VPS13C: variants seen among roughly 807,000 people sequenced by gnomAD.
VPS13C encodes vacuolar protein sorting 13 homolog C, also known as intermembrane lipid transfer protein VPS13C.
Under a neutral mutation model 456.8 loss-of-function variants are expected in VPS13C, and 358 were observed. That is an observed-to-expected ratio of 0.78 (90% CI 0.72 to 0.86). VPS13C has a LOEUF of 0.86. VPS13C is among the 40% of genes least tolerant of loss of function. The probability of loss-of-function intolerance (pLI) is 0.00; values close to 1 mark genes in which losing one functional copy is unlikely to be tolerated. For synonymous variants in VPS13C, 1,578 were observed against 1,486.7 expected, an observed-to-expected ratio of 1.06 and a Z score of -1.41; for missense variants, 4,818 against 4,385.4, an observed-to-expected ratio of 1.10 and a Z score of -2.79.
At chr15:61,949,635 T>C (rs1426700132) in intron 41 of VPS13C, 30 bp from the exon 42 acceptor site, 1 of 1,575,608 alleles carries the variant, frequency 6.3e-7, no homozygotes, top group South Asian at 1.2e-5. Flanking sequence ...AAGAGGCAGA[T>C]TTCAGATGCA....
chr15:62,034,808 AAAAG>A, intron 4 of VPS13C, 145 bp downstream of exon 4: 2 of 479,240 alleles, frequency 4.2e-6, no homozygotes, highest in Non-Finnish European at 7.5e-6. Flanking sequence ...ATACATATAT[AAAAG>A]TATGCATATA....
rs1357980204 is a variant in VPS13C at position 61,884,194 on chromosome 15, T to C, written c.9417A>G (p.Glu3139=). The C allele has an allele frequency of 3.7e-6, 6 of 1,610,750 alleles. No individual in the cohort carries two copies. Among genetic ancestry groups the C allele is most frequent in the South Asian group, 1.1e-5 (1 of 90,564 alleles). ...ATATTTGATGTTTCTGATAGGATTG[T>C]TCCAATAAGATTATCTGCTTTTGAC... The part of the protein sequence containing the change: ...PFSQKQIILL[E]QSYQKHQISR... The change falls in exon 68 of 85, where the codon GAA becomes GAG. Residue 3139 remains glutamate, a synonymous_variant. Coordinates refer to ENST00000644861, the MANE Select transcript of VPS13C (RefSeq NM_020821.3).
At position 61,964,795 on chromosome 15, in the gene VPS13C, T is replaced by C; in HGVS notation, c.3118A>G (p.Thr1040Ala). The C allele has an allele frequency of 1.2e-6, 2 of 1,612,516 alleles. No individual in the cohort carries two copies. The highest frequency in any genetic ancestry group is 1.7e-6 in the Non-Finnish European group (2 of 1,179,018). Residue 1040 changes from threonine to alanine, a missense_variant, in exon 31 of 85, where the codon ACA becomes GCA. Coordinates refer to ENST00000644861, the MANE Select transcript of VPS13C (RefSeq NM_020821.3). ...QALVASINYL[T>A]TIIPSDDQSI... ...TGATCATCAGATGGAATAATGGTTG[T>C]GAGGTAATTAATAGAAGCGACAAGA...
intron 13 of VPS13C, 49 bp downstream of exon 13, chr15:62,010,423 G>T (rs766817064): frequency 6.8e-7 from 1 of 1,469,358 alleles, no homozygotes; most frequent in East Asian, 2.5e-5. Flanking sequence ...AATAAAAGCA[G>T]TCAAGATTCA....
chr15:61,994,945 T>A (rs2046335482), intron 16 of VPS13C, among the ~76,000 whole-genome samples: 1 of 152,144 alleles, frequency 6.6e-6, no homozygotes, highest in South Asian at 2.1e-4. Flanking sequence ...TGAAAATGGA[T>A]ACTACAATTT....
chr15:62,026,700 T>C (rs1044068082), intron 6 of VPS13C, among the ~76,000 whole-genome samples: 1 of 152,074 alleles, frequency 6.6e-6, no homozygotes, highest in African/African-American at 2.4e-5. Flanking sequence ...CCATCCTACT[T>C]CAGTATGCAG....
At position 61,915,882 on chromosome 15, in the gene VPS13C, T is replaced by C. The variant is rs367748450; in HGVS notation, c.8196A>G (p.Thr2732=). ...AACACACAGGAAAGAATTCTGGTAG[T>C]GTATCACGTATGCGGAAATGTCCAT... ...NWNGHFRIRD[T]LPEFFPVCFS... The change falls in exon 61 of 85, where the codon ACA becomes ACG. Residue 2732 remains threonine (T), a synonymous_variant. Transcript: ENST00000644861. 9.3e-6 allele frequency: 15 copies of C among 1,613,904 alleles called. No individual in the cohort carries two copies. In the African/African-American group the frequency reaches 1.9e-4, roughly 20 times the overall value.
chr15:61,890,845 G>A lies in VPS13C; in HGVS notation c.9106-445C>T, dbSNP rs1391216804. On this transcript the variant is annotated intron_variant, in intron 66 of 84. Transcript: ENST00000644861. ...GCAAATCATCTGAGGTCAGGAGTTC[G>A]AGACCAGCCTGGCCAACATGGTGAA... is the stretch of plus-strand genomic sequence containing the variant. 4.6e-5 allele frequency among the ~76,000 whole-genome samples: 7 copies of A among 152,082 alleles called. No homozygotes were observed. The East Asian group carries it at 7.7e-4, about 17-fold the overall frequency.
At chr15:61,879,009 G>C (rs1485892380) in intron 73 of VPS13C, among the ~76,000 whole-genome samples, 3 of 151,984 alleles carry the variant, frequency 2.0e-5, no homozygotes, top group Non-Finnish European at 4.4e-5. Context: ...ATTCATATGA[G>C]GGAAACCGAC....
At chr15:61,982,386 TA>T in intron 21 of VPS13C, 72 bp downstream of exon 21, 3 of 1,072,666 alleles carry the variant, frequency 2.8e-6, no homozygotes, top group Non-Finnish European at 4.1e-6. Context: ...ATATTTTGAA[TA>T]CAATGTTTAC....
intron 76 of VPS13C, among the ~76,000 whole-genome samples, 195 bp downstream of exon 76, chr15:61,875,537 C>T (rs556372462): frequency 6.6e-5 from 10 of 152,084 alleles, no homozygotes; most frequent in Admixed American, 2.6e-4. Context: ...ATGTGGGCAG[C>T]GCTCATTAAA....
chr15:61,952,063 G>A, intron 38 of VPS13C, 83 bp from the exon 39 acceptor site: 1 of 1,453,546 alleles, frequency 6.9e-7, no homozygotes, highest in Non-Finnish European at 9.3e-7. Flanking sequence ...AGTATCCAGA[G>A]TGATATAAGG....
intron 54 of VPS13C, 116 bp from the exon 55 acceptor site, chr15:61,922,149 A>T: frequency 1.7e-6 from 2 of 1,151,422 alleles, no homozygotes; most frequent in Non-Finnish European, 2.5e-6. Context: ...CATTTTCAAA[A>T]CCCATCTAAC....
At chr15:61,946,273 T>C in intron 44 of VPS13C, 34 bp downstream of exon 44, 1 of 1,501,486 alleles carries the variant, frequency 6.7e-7, no homozygotes, top group Non-Finnish European at 9.0e-7. Context: ...AAAGGCAAAA[T>C]AAATTCCAAT....
chr15:61,959,123 A>G (rs1477384864), intron 36 of VPS13C, among the ~76,000 whole-genome samples: 2 of 152,086 alleles, frequency 1.3e-5, no homozygotes, highest in Non-Finnish European at 2.9e-5. Flanking sequence ...TATTTCCCTC[A>G]ATGCTATCAT....
chr15:62,048,502 G>A (rs373206281), intron 1 of VPS13C, among the ~76,000 whole-genome samples: 41 of 151,998 alleles, frequency 2.7e-4, no homozygotes, highest in African/African-American at 6.3e-4. Context: ...CCAGTCTATC[G>A]TTGTTGGACA....
chr15:61,914,704 G>C (rs2043407245), intron 61 of VPS13C, among the ~76,000 whole-genome samples: 1 of 151,012 alleles, frequency 6.6e-6, no homozygotes, highest in Non-Finnish European at 1.5e-5. Context: ...GAGATTACAG[G>C]CATCTGCCAC....
intron 16 of VPS13C, among the ~76,000 whole-genome samples, chr15:62,000,172 G>C (rs1369508461): frequency 6.6e-6 from 1 of 152,034 alleles, no homozygotes; most frequent in African/African-American, 2.4e-5. Context: ...GACCAGGCTG[G>C]CCAACATGGC....
intron 6 of VPS13C, among the ~76,000 whole-genome samples, chr15:62,025,173 T>A (rs2047594419): frequency 1.3e-5 from 2 of 152,128 alleles, no homozygotes; most frequent in Admixed American, 1.3e-4. Context: ...ACTAAATTCA[T>A]GTTATATATA....
Sources: allele counts gnomAD v4.1 joint callset (sites outside exome capture counted in the v4.1 genomes callset), GRCh38; gene constraint gnomAD v4.1.1; transcripts MANE v1.5; gene names NCBI Gene and HGNC (gene_info 2026-07-23, HGNC 2026-07-21).